Variants in SVIL observed in about 807,000 individuals in gnomAD.
SVIL encodes the protein archvillin.
Under a neutral mutation model 240.4 loss-of-function variants are expected in SVIL, and 101 were observed. That is an observed-to-expected ratio of 0.42 (90% CI 0.36 to 0.50). The LOEUF (loss-of-function observed/expected upper bound fraction) is 0.50, where lower values mean the gene tolerates loss of function less well. Ranked by LOEUF, SVIL falls within the 20% of genes least tolerant of loss-of-function variation. SVIL has a pLI of 0.01. For missense variants in SVIL, 2,512 were observed against 2,818.7 expected, an observed-to-expected ratio of 0.89 and a Z score of 2.46; for synonymous variants, 999 against 1,100.0, an observed-to-expected ratio of 0.91 and a Z score of 1.82.
chr10:29,460,945 C>A (rs1445877154), intron 36 of SVIL, among the ~76,000 whole-genome samples: 1 of 152,054 alleles, frequency 6.6e-6, no homozygotes, highest in Non-Finnish European at 1.5e-5. Context: ...AGACCCCTTA[C>A]CCACCATGAT....
intron 3 of SVIL, chr10:29,643,867 A>G (rs1012728382): frequency 1.7e-5 from 7 of 420,604 alleles, no homozygotes; most frequent in Non-Finnish European, 3.3e-5. Context: ...AGCTCAACAC[A>G]AAGAGAACTG....
chr10:29,494,811 T>A, intron 20 of SVIL, 103 bp downstream of exon 20: 1 of 1,082,844 alleles, frequency 9.2e-7, no homozygotes, highest in East Asian at 2.4e-5. Flanking sequence ...GTTTCTCTAA[T>A]CAGTCTTGAC....
chr10:29,598,572 C>T (rs145082286), intron 1 of SVIL, among the ~76,000 whole-genome samples: 1 of 152,184 alleles, frequency 6.6e-6, no homozygotes, highest in Non-Finnish European at 1.5e-5. Flanking sequence ...AAATGACCAA[C>T]CTGAGCTGCA....
intron 16 of SVIL, among the ~76,000 whole-genome samples, chr10:29,517,211 G>C (rs1258053320): frequency 6.6e-6 from 1 of 151,944 alleles, no homozygotes; most frequent in East Asian, 1.9e-4. Context: ...CAGGAGGTGG[G>C]AGACCAGCCT....
At chr10:29,501,545 T>A (rs1179407281) in intron 17 of SVIL, among the ~76,000 whole-genome samples, 1 of 152,126 alleles carries the variant, frequency 6.6e-6, no homozygotes, top group Non-Finnish European at 1.5e-5. Flanking sequence ...GTGCTCTGCC[T>A]ATAATGGAAA....
intron 2 of SVIL, among the ~76,000 whole-genome samples, chr10:29,663,888 A>G (rs1959186524): frequency 6.6e-6 from 1 of 152,212 alleles, no homozygotes; most frequent in South Asian, 2.1e-4. Context: ...AGATGCTCAC[A>G]GTCAAAATAG....
chr10:29,573,024 A>G (rs1955518937), intron 1 of SVIL, among the ~76,000 whole-genome samples: 2 of 151,772 alleles, frequency 1.3e-5, no homozygotes, highest in African/African-American at 4.8e-5. Flanking sequence ...TTTTTTTCAA[A>G]TTTTCCTGTC....
At chr10:29,471,322 A>G in intron 30 of SVIL, 79 bp from the exon 31 acceptor site, 1 of 1,093,642 alleles carries the variant, frequency 9.1e-7, no homozygotes. Flanking sequence ...CCTCTTGCAG[A>G]AAATCTGAAA....
At chr10:29,639,906 C>G (rs1284740326), upstream of SVIL, among the ~76,000 whole-genome samples, 1 of 152,140 alleles carries the variant, frequency 6.6e-6, no homozygotes, top group Non-Finnish European at 1.5e-5. Context: ...CCCTGAATTC[C>G]CACTTTGGAG....
At chr10:29,730,654 G>C (rs1964566042) in intron 1 of SVIL, among the ~76,000 whole-genome samples, 1 of 152,138 alleles carries the variant, frequency 6.6e-6, no homozygotes, top group African/African-American at 2.4e-5. Context: ...GTGGATTAAG[G>C]GCTTAGAATT....
At chr10:29,705,317 T>G (rs1962810176) in intron 1 of SVIL, among the ~76,000 whole-genome samples, 1 of 152,170 alleles carries the variant, frequency 6.6e-6, no homozygotes, top group African/African-American at 2.4e-5. Flanking sequence ...TCCTGGAAAC[T>G]GTGAATATTA....
At chr10:29,458,386 C>A (rs2368409) in intron 37 of SVIL, 48 bp downstream of exon 37, 1 of 1,610,108 alleles carries the variant, frequency 6.2e-7, no homozygotes, top group African/African-American at 1.3e-5. Flanking sequence ...GCCGGGCGTG[C>A]GTGTGTTGTT....
At chr10:29,476,228 C>G (rs963058673) in intron 29 of SVIL, among the ~76,000 whole-genome samples, 1 of 152,168 alleles carries the variant, frequency 6.6e-6, no homozygotes, top group Non-Finnish European at 1.5e-5. Context: ...ATTTGTTGCA[C>G]TAAATAGATT....
intron 4 of SVIL, 50 bp downstream of exon 4, chr10:29,555,001 G>A (rs745587246): frequency 8.1e-6 from 13 of 1,611,550 alleles, no homozygotes; most frequent in Non-Finnish European, 9.3e-6. Flanking sequence ...ATGGAATACT[G>A]CTTTGCCAAG....
At chr10:29,625,949 A>T (rs1479144341) in intron 1 of SVIL, among the ~76,000 whole-genome samples, 1 of 152,140 alleles carries the variant, frequency 6.6e-6, no homozygotes, top group African/African-American at 2.4e-5. Flanking sequence ...CACAAATGCA[A>T]ATTGTATATA....
intron 2 of SVIL, among the ~76,000 whole-genome samples, chr10:29,676,094 C>G (rs762206060): frequency 5.9e-5 from 9 of 152,190 alleles, no homozygotes; most frequent in Non-Finnish European, 8.8e-5. Context: ...CTCTCTAATT[C>G]CTGTTTCCCA....
intron 15 of SVIL, among the ~76,000 whole-genome samples, 189 bp from the exon 16 acceptor site, chr10:29,522,824 C>A (rs1296278003): frequency 2.0e-5 from 3 of 152,228 alleles, no homozygotes; most frequent in Non-Finnish European, 2.9e-5. Flanking sequence ...TGGAGGGTTA[C>A]CCACACAGCA....
Position 29,481,704 on chromosome 10 carries a change from C to A in SVIL, c.4980G>T (p.Trp1660Cys), listed in dbSNP as rs2132356509. ...IPRKGQGRPD[W>C]AIFGRLTEHN... ...GTTCAGTAAGTCTCCCAAATATCGC[C>A]CAGTCGGGCCGCCCCTGTCCTTTTC... is the stretch of plus-strand genomic sequence containing the variant. Residue 1660 changes from tryptophan (W) to cysteine (C), a missense_variant, in exon 28 of 38, where the codon TGG (tryptophan) becomes TGT (cysteine). Coordinates refer to ENST00000355867, the MANE Select transcript of SVIL (RefSeq NM_021738.3). The A allele has an allele frequency of 6.2e-7, 1 of 1,614,088 alleles. No individual in the cohort carries two copies. The highest frequency in any genetic ancestry group is 8.5e-7 in the Non-Finnish European group (1 of 1,180,024).
intron 1 of SVIL, among the ~76,000 whole-genome samples, chr10:29,725,385 T>G (rs1964232590): frequency 6.6e-6 from 1 of 152,076 alleles, no homozygotes; most frequent in African/African-American, 2.4e-5. Flanking sequence ...AACTGGGTCT[T>G]ATCAGAACCA....
Sources: allele counts gnomAD v4.1 joint callset (sites outside exome capture counted in the v4.1 genomes callset), GRCh38; gene constraint gnomAD v4.1.1; transcripts MANE v1.5; gene names NCBI Gene and HGNC (gene_info 2026-07-23, HGNC 2026-07-21).